SCN9A: variants seen among roughly 807,000 people sequenced by gnomAD.
SCN9A encodes the protein sodium channel protein type 9 subunit alpha.
In SCN9A, 131 loss-of-function variants were observed where a neutral mutation model predicts 187.0. The observed-to-expected ratio is 0.70, with a 90% CI of 0.61 to 0.81. The LOEUF is 0.81. Among genes scored for constraint, SCN9A ranks in the 30% least tolerant of loss-of-function variants. The probability of loss-of-function intolerance (pLI) is 0.00; values close to 1 mark genes in which losing one functional copy is unlikely to be tolerated. For synonymous variants in SCN9A, 809 were observed against 808.6 expected (o/e 1.00, Z -0.01); for missense variants, 2,252 against 2,396.6 (o/e 0.94, Z 1.26).
intron 1 of SCN9A, among the ~76,000 whole-genome samples, chr2:166,330,712 T>C (rs1574933430): frequency 6.6e-6 from 1 of 152,244 alleles, no homozygotes; most frequent in East Asian, 1.9e-4. Flanking sequence ...TAGAGTCTCA[T>C]AAGGAGTGTG....
At chr2:166,291,946 A>G (rs1264932363) in intron 9 of SCN9A, among the ~76,000 whole-genome samples, 1 of 152,110 alleles carries the variant, frequency 6.6e-6, no homozygotes, top group Non-Finnish European at 1.5e-5. Context: ...GACTTAATGT[A>G]AAACCCCAAA....
intron 17 of SCN9A, among the ~76,000 whole-genome samples, chr2:166,252,794 T>C (rs551762671): frequency 6.6e-6 from 1 of 151,894 alleles, no homozygotes; most frequent in African/African-American, 2.4e-5. Flanking sequence ...CGAAGAAATC[T>C]TTACAAAAAA....
intron 1 of SCN9A, among the ~76,000 whole-genome samples, chr2:166,368,930 T>C (rs28532836): frequency 0.057 from 8,458 of 148,806 alleles, 778 homozygotes; most frequent in African/African-American, 0.2. Context: ...GAAGTTGCAG[T>C]GAGCCAAGAT....
At chr2:166,372,952 C>G (rs1271681436) in intron 1 of SCN9A, among the ~76,000 whole-genome samples, 1 of 152,088 alleles carries the variant, frequency 6.6e-6, no homozygotes, top group Non-Finnish European at 1.5e-5. Context: ...ATGAAAGAAA[C>G]AAGGTTCCAA....
At chr2:166,319,954 C>A (rs558400652) in intron 1 of SCN9A, among the ~76,000 whole-genome samples, 1 of 151,850 alleles carries the variant, frequency 6.6e-6, no homozygotes, top group Non-Finnish European at 1.5e-5. Context: ...ATAAATCCAA[C>A]CCATAGAATT....
In SCN9A at chr2:166,284,510, G is replaced by T; in HGVS notation, c.1917C>A (p.Leu639=). The change falls in exon 12 of 27, where the codon CTC becomes CTA. Residue 639 remains leucine (L), a synonymous_variant. Transcript: ENST00000642356. ...SLVDGRSALM[L]PNGQLLPEVI... is the part of the protein sequence containing the mutation. ...CCTCTGGCAGAAGCTGTCCATTGGG[G>T]AGCATGAGGGCTGAGCGTCCATCAA... 6.2e-7 allele frequency: 1 copy of T among 1,614,084 alleles called. No individual in the cohort carries two copies. Among genetic ancestry groups the T allele is most frequent in the African/African-American group, 1.3e-5 (1 of 75,036 alleles).
chr2:166,364,856 T>A (rs1050228405), intron 1 of SCN9A, among the ~76,000 whole-genome samples: 10 of 152,294 alleles, frequency 6.6e-5, no homozygotes, highest in African/African-American at 2.2e-4. Context: ...AAAATATAAA[T>A]TTTTAAATTC....
Position 166,198,935 on chromosome 2 carries a change from G to T in SCN9A, c.5704C>A (p.Arg1902Ser). The T allele has an allele frequency of 6.2e-7, 1 of 1,613,878 alleles. No individual in the cohort carries two copies. The highest frequency in any genetic ancestry group is 8.5e-7 in the Non-Finnish European group (1 of 1,179,868). ...SATVIQRAYR[R>S]YRLRQNVKNI... ...TTGACATTTTGCCTTAAGCGGTAACGTCTATAAGCACGCTGAATGACAGTA... is the reference window on the plus strand; with the variant it reads ...TTGACATTTTGCCTTAAGCGGTAACTTCTATAAGCACGCTGAATGACAGTA... Residue 1902 changes from arginine to serine, a missense_variant, in exon 27 of 27, where the codon CGT (arginine) becomes AGT (serine). This residue lies in a region of SCN9A where 345 missense variants were observed against 344.6 expected (regional missense o/e 1.00). Transcript: ENST00000642356.
intron 20 of SCN9A, among the ~76,000 whole-genome samples, chr2:166,236,271 A>G (rs1334275316): frequency 6.6e-6 from 1 of 152,170 alleles, no homozygotes. Flanking sequence ...TCATTACTAT[A>G]TCCGAAGTTA....
rs181578552 is a variant in SCN9A, at chr2:166,237,812, T to A, written c.3801+282A>T. ...AGAATGACATTCAAATCATATTTTT[T>A]AAAAAATCACATCTCCTTTGCAGAA... On this transcript the variant is annotated intron_variant, in intron 20 of 26. Transcript: ENST00000642356. Among the ~76,000 whole-genome samples the A allele has an allele frequency of 6.7e-3, 1,022 of 152,264 alleles. 17 individuals are homozygous for A. Among genetic ancestry groups the A allele is most frequent in the South Asian group, 0.055 (263 of 4,824 alleles).
Position 166,304,147 on chromosome 2 carries a change from C to A in SCN9A, c.688+91G>T, listed in dbSNP as rs780779741. 6.8e-6 allele frequency: 11 copies of A among 1,612,588 alleles called. No individual in the cohort carries two copies. The South Asian group carries it at 1.2e-4, about 18-fold the overall frequency. Reference sequence around the variant, plus strand: ...TCTGTAATAGGGGAGTTTATACACACAGTGACGACACACACACAAACGAAC... The same window carrying A: ...TCTGTAATAGGGGAGTTTATACACAAAGTGACGACACACACACAAACGAAC... On this transcript the variant is annotated intron_variant, in intron 6 of 26. Transcript: ENST00000642356.
intron 7 of SCN9A, among the ~76,000 whole-genome samples, chr2:166,300,551 A>AT (rs1414844290): frequency 7.3e-5 from 11 of 150,496 alleles, no homozygotes; most frequent in East Asian, 5.8e-4. Flanking sequence ...CCCCTTAAAC[A>AT]TTTTTTTTCA....
intron 1 of SCN9A, among the ~76,000 whole-genome samples, chr2:166,346,605 T>G (rs1253591956): frequency 6.6e-6 from 1 of 152,086 alleles, no homozygotes; most frequent in Non-Finnish European, 1.5e-5. Context: ...AAAGATATGG[T>G]TCAGCTGCTA....
At chr2:166,274,752 CCT>C (rs1200594097) in intron 16 of SCN9A, among the ~76,000 whole-genome samples, 2 of 151,958 alleles carry the variant, frequency 1.3e-5, no homozygotes, top group South Asian at 2.1e-4. Flanking sequence ...CAATATATCC[CCT>C]CTGTTTTTTA....
At chr2:166,278,040 G>T in intron 15 of SCN9A, 100 bp downstream of exon 15, 2 of 865,576 alleles carry the variant, frequency 2.3e-6, no homozygotes, top group Admixed American at 2.7e-5. Flanking sequence ...ATATAATCTT[G>T]CCTTTTGATT....
intron 10 of SCN9A, among the ~76,000 whole-genome samples, chr2:166,287,184 A>G (rs528230185): frequency 6.6e-6 from 1 of 152,260 alleles, no homozygotes; most frequent in East Asian, 1.9e-4. Context: ...TTTTGTTTAT[A>G]AACACTAAAA....
chr2:166,280,624 T>G, intron 13 of SCN9A, 29 bp from the exon 14 acceptor site: 3 of 1,330,052 alleles, frequency 2.3e-6, no homozygotes, highest in Non-Finnish European at 3.2e-6. Flanking sequence ...GAACATGGAG[T>G]CAGCCATTTG....
At chr2:166,306,398 T>G in intron 4 of SCN9A, 112 bp downstream of exon 4, 1 of 706,904 alleles carries the variant, frequency 1.4e-6, no homozygotes, top group Non-Finnish European at 2.6e-6. Context: ...GCATATAACA[T>G]GGGAAGGTAA....
chr2:166,366,539 T>A (rs1330589719), intron 1 of SCN9A, among the ~76,000 whole-genome samples: 1 of 152,198 alleles, frequency 6.6e-6, no homozygotes. Flanking sequence ...CATATGGTAG[T>A]TCTATTTTTA....
Sources: gnomAD v4.1 joint callset for allele counts (sites outside exome capture counted in the v4.1 genomes callset) on GRCh38, gnomAD v4.1.1 for gene constraint, gnomAD v4.1.1 regional missense constraint, MANE v1.5 for transcripts, NCBI Gene and HGNC (gene_info 2026-07-23, HGNC 2026-07-21) for gene names.